ZFAT: variants seen among roughly 807,000 people sequenced by gnomAD.
ZFAT encodes zinc finger and AT-hook domain containing.
A neutral mutation model predicts 117.7 loss-of-function variants in ZFAT; 64 were observed. The ratio of observed to expected loss-of-function variants is 0.54; its 90% confidence interval spans 0.44 to 0.67. The LOEUF (loss-of-function observed/expected upper bound fraction) is 0.67. Ranked by LOEUF, ZFAT falls within the 30% of genes least tolerant of loss-of-function variation. The pLI is 0.00. For synonymous variants in ZFAT, 679 were observed against 615.0 expected (o/e 1.10, Z -1.54); for missense variants, 1,433 against 1,584.5 (o/e 0.90, Z 1.62).
At chr8:134,528,922 A>G (rs1017244164) in intron 12 of ZFAT, among the ~76,000 whole-genome samples, 2 of 152,250 alleles carry the variant, frequency 1.3e-5, no homozygotes, top group African/African-American at 4.8e-5. Context: ...CTTGAGAGAT[A>G]CATGCTCAAA....
At chr8:134,633,926 A>C (rs1201027115) in intron 3 of ZFAT, among the ~76,000 whole-genome samples, 1 of 152,114 alleles carries the variant, frequency 6.6e-6, no homozygotes, top group Non-Finnish European at 1.5e-5. Context: ...GATGCCTGTA[A>C]TTGCAGCTAC....
At chr8:134,583,165 A>G (rs1825825564) in intron 10 of ZFAT, among the ~76,000 whole-genome samples, 1 of 151,454 alleles carries the variant, frequency 6.6e-6, no homozygotes, top group Non-Finnish European at 1.5e-5. Flanking sequence ...CCCCTCCATC[A>G]CTGCACTTAC....
the ZFAT span, among the ~76,000 whole-genome samples, chr8:134,762,439 T>G: frequency 2.6e-5 from 4 of 152,222 alleles, no homozygotes; most frequent in Admixed American, 2.6e-4. Flanking sequence ...TAGCCTACCT[T>G]TCAGGAGAAT....
chr8:134,643,713 C>A (rs963785478), intron 2 of ZFAT, among the ~76,000 whole-genome samples: 3 of 152,210 alleles, frequency 2.0e-5, no homozygotes, highest in African/African-American at 7.2e-5. Flanking sequence ...GCACTGGCTG[C>A]ATCAGCCCTG....
chr8:134,555,752 A>G (rs1823535261), intron 11 of ZFAT, among the ~76,000 whole-genome samples: 1 of 152,036 alleles, frequency 6.6e-6, no homozygotes, highest in African/African-American at 2.4e-5. Flanking sequence ...CAGGTGCCCC[A>G]GATGTTAAAA....
chr8:134,618,200 T>C (rs1330251065), intron 3 of ZFAT, among the ~76,000 whole-genome samples: 1 of 152,156 alleles, frequency 6.6e-6, no homozygotes, highest in Non-Finnish European at 1.5e-5. Context: ...ACAGTTACTA[T>C]GAGCAAATTC....
At chr8:134,698,153 T>C (rs986854963) in intron 1 of ZFAT, among the ~76,000 whole-genome samples, 20 of 151,346 alleles carry the variant, frequency 1.3e-4, no homozygotes, top group African/African-American at 3.9e-4. Flanking sequence ...CAAAACCCCG[T>C]CTCTATTAAA....
intron 1 of ZFAT, among the ~76,000 whole-genome samples, chr8:134,659,056 C>G (rs1371856365): frequency 1.3e-5 from 2 of 152,248 alleles, no homozygotes; most frequent in African/African-American, 4.8e-5. Flanking sequence ...CACCAGCCTC[C>G]TGGGGAGGCT....
At position 134,532,976 on chromosome 8, in the gene ZFAT, C is replaced by T. The variant is rs201348292; in HGVS notation, c.2977-4G>A. The T allele has an allele frequency of 1.2e-4, 186 of 1,597,868 alleles. 2 individuals are homozygous for T. In the Middle Eastern group the frequency reaches 2.8e-3, roughly 24 times the overall value. On this transcript the variant is annotated splice_region_variant and splice_polypyrimidine_tract_variant and intron_variant, in intron 11 of 15. Transcript: ENST00000377838. ...GGCAATGGGCACAGCGGAAAGGCTG[C>T]GGGGACAATGAGGAGGGGTTAGGAA...
intron 11 of ZFAT, among the ~76,000 whole-genome samples, chr8:134,561,493 T>A (rs905796430): frequency 1.2e-4 from 19 of 152,148 alleles, no homozygotes; most frequent in Admixed American, 3.9e-4. Context: ...ATCAAAAAAA[T>A]TCCATATGGA....
chr8:134,596,816 A>G (rs888260245), intron 7 of ZFAT, among the ~76,000 whole-genome samples: 2 of 152,232 alleles, frequency 1.3e-5, no homozygotes, highest in Non-Finnish European at 2.9e-5. Context: ...AAGAAATTTC[A>G]TATGAAAGAA....
rs369097384 is a variant in ZFAT at position 134,499,010 on chromosome 8, G to C, written c.3492+10609C>G. Among the ~76,000 whole-genome samples, 17 of 3,048 alleles carry C rather than the reference G, an allele frequency of 5.6e-3. 1 individual carries two copies. The highest frequency in any genetic ancestry group is 0.014 in the African/African-American group (5 of 356). The allele number at this position is 3,048 out of a possible 152,430, so 2.0% of individuals were successfully genotyped here. A position where few individuals can be genotyped will look rare whatever the true frequency, so the allele number is the denominator to read the frequency against. On this transcript the variant is annotated intron_variant, in intron 15 of 15. Coordinates refer to ENST00000377838, the MANE Select transcript of ZFAT (RefSeq NM_020863.4). ...ATGCCCCCGTTGCTGGTTACACACA[G>C]AGCCTGATTTGGTAGGGTCGGGGTG...
the ZFAT span, among the ~76,000 whole-genome samples, chr8:134,810,974 T>A: frequency 6.6e-6 from 1 of 151,414 alleles, no homozygotes; most frequent in African/African-American, 2.4e-5. Context: ...CCTGAGTCAC[T>A]CGCTACATCT....
the ZFAT span, among the ~76,000 whole-genome samples, chr8:134,829,729 G>A: frequency 6.6e-6 from 1 of 152,086 alleles, no homozygotes; most frequent in Non-Finnish European, 1.5e-5. Context: ...TTAAAGTAGA[G>A]CACAGCTGTT....
intron 11 of ZFAT, among the ~76,000 whole-genome samples, chr8:134,534,136 C>T (rs1246362497): frequency 6.6e-6 from 1 of 152,224 alleles, no homozygotes; most frequent in Non-Finnish European, 1.5e-5. Flanking sequence ...CCTGAAACTT[C>T]TCTTAGCATG....
the ZFAT span, among the ~76,000 whole-genome samples, chr8:134,827,795 A>G: frequency 1.2e-4 from 19 of 152,068 alleles, no homozygotes; most frequent in African/African-American, 4.6e-4. Flanking sequence ...ATTCTAGTTA[A>G]TATTATTTTG....
At chr8:134,549,949 A>G (rs969432717) in intron 11 of ZFAT, among the ~76,000 whole-genome samples, 5 of 152,180 alleles carry the variant, frequency 3.3e-5, no homozygotes, top group Non-Finnish European at 5.9e-5. Flanking sequence ...GGACCTCTTC[A>G]AGGACCTCAG....
intron 7 of ZFAT, among the ~76,000 whole-genome samples, chr8:134,596,975 C>A (rs1197235372): frequency 2.4e-4 from 35 of 145,916 alleles, no homozygotes; most frequent in Non-Finnish European, 3.3e-4. Flanking sequence ...GATAATTGCA[C>A]AACTCCGTGG....
At chr8:134,805,137 A>G in the ZFAT span, among the ~76,000 whole-genome samples, 1 of 152,224 alleles carries the variant, frequency 6.6e-6, no homozygotes, top group Non-Finnish European at 1.5e-5. Flanking sequence ...AAATAAATCT[A>G]ATTTTAAAAG....
Sources: allele counts gnomAD v4.1 joint callset (sites outside exome capture counted in the v4.1 genomes callset), GRCh38; gene constraint gnomAD v4.1.1; transcripts MANE v1.5; gene names NCBI Gene and HGNC (gene_info 2026-07-23, HGNC 2026-07-21).